The following PAMR1 variants were observed in gnomAD, a reference collection of about 807,000 sequenced individuals.
PAMR1 encodes the protein inactive serine protease PAMR1.
In PAMR1, 88 loss-of-function variants were observed where a neutral mutation model predicts 81.8. That is an observed-to-expected ratio of 1.08 (90% confidence interval 0.91 to 1.28). PAMR1 has a LOEUF of 1.28. PAMR1 is among the 50% of genes most tolerant of loss of function. The pLI, the probability that PAMR1 is intolerant of heterozygous loss-of-function variation, is 0.00. For synonymous variants in PAMR1, 336 were observed against 345.3 expected (o/e 0.97, Z 0.30); for missense variants, 935 against 919.7 (o/e 1.02, Z -0.21).
chr11:35,464,336 A>G (rs900910021), intron 6 of PAMR1, among the ~76,000 whole-genome samples: 3 of 152,220 alleles, frequency 2.0e-5, no homozygotes, highest in Non-Finnish European at 4.4e-5. Flanking sequence ...ATCTTGAAAA[A>G]ATATCCATAA....
intron 1 of PAMR1, 70 bp from the exon 2 acceptor site, chr11:35,494,342 T>A: frequency 7.4e-7 from 1 of 1,358,232 alleles, no homozygotes; most frequent in Non-Finnish European, 1.0e-6. Context: ...TTTGTTTGTT[T>A]GTTTGTTTTG....
intron 6 of PAMR1, among the ~76,000 whole-genome samples, chr11:35,444,172 C>T (rs893520704): frequency 6.6e-6 from 1 of 152,122 alleles, no homozygotes; most frequent in Non-Finnish European, 1.5e-5. Flanking sequence ...TGTTCATGTC[C>T]TTGGCCCCCT....
At chr11:35,435,058 T>TTTGATAGTTCTA (rs1856006772) in intron 9 of PAMR1, among the ~76,000 whole-genome samples, 1 of 152,198 alleles carries the variant, frequency 6.6e-6, no homozygotes, top group African/African-American at 2.4e-5. Context: ...TCAATAGAAC[T>TTTGATAGTTCTA]TTGGGCAAGT....
At chr11:35,507,202 C>G (rs896412267) in intron 1 of PAMR1, among the ~76,000 whole-genome samples, 36 of 151,962 alleles carry the variant, frequency 2.4e-4, no homozygotes, top group African/African-American at 8.2e-4. Context: ...CATGCACCAC[C>G]AAGCCCGGCT....
intron 1 of PAMR1, among the ~76,000 whole-genome samples, chr11:35,510,699 T>C (rs1851056831): frequency 6.6e-6 from 1 of 152,194 alleles, no homozygotes; most frequent in Non-Finnish European, 1.5e-5. Flanking sequence ...ATTGGTAATA[T>C]GTTTTATTTT....
Position 35,435,970 on chromosome 11 carries a change from C to T in PAMR1, c.1266G>A (p.Leu422=), listed in dbSNP as rs1376794100. 1 of 1,614,216 alleles carries T rather than the reference C, an allele frequency of 6.2e-7. No homozygotes were observed. The highest frequency in any genetic ancestry group is 8.5e-7 in the Non-Finnish European group (1 of 1,180,042). ...YECISPFYRR[L]GSSRRTCLRT... is the part of the protein sequence containing the mutation. ...TCAGACATGTCCTCCTGCTGCTGCC[C>T]AGGCGGCGGTAGAAGGGTGAGATGC... Residue 422 remains leucine (L), a synonymous_variant, in exon 9 of 11, where the codon CTG becomes CTA. Transcript: ENST00000619888.
chr11:35,504,336 T>G (rs1590385051), intron 1 of PAMR1, among the ~76,000 whole-genome samples: 1 of 152,164 alleles, frequency 6.6e-6, no homozygotes, highest in Non-Finnish European at 1.5e-5. Flanking sequence ...TCTAGTTATC[T>G]TTTTTGCTGT....
rs1010830468 is a variant in PAMR1, at chr11:35,464,384, A to T, written c.820+3617T>A. Among the ~76,000 whole-genome samples the T allele has an allele frequency of 3.3e-5, 5 of 152,232 alleles. No homozygotes were observed. In the South Asian group the frequency reaches 1.0e-3, roughly 31 times the overall value. ...AAATAAATTGAAAAATTGTATGCATACTTAACTCACTTGTGTTTAAAACAA... is the reference window on the plus strand; with the variant it reads ...AAATAAATTGAAAAATTGTATGCATTCTTAACTCACTTGTGTTTAAAACAA... On this transcript the variant is annotated intron_variant, in intron 6 of 10. Coordinates refer to ENST00000619888, the MANE Select transcript of PAMR1 (RefSeq NM_001001991.3).
chr11:35,502,590 T>C (rs2135409856), intron 1 of PAMR1, among the ~76,000 whole-genome samples: 1 of 152,362 alleles, frequency 6.6e-6, no homozygotes, highest in East Asian at 1.9e-4. Flanking sequence ...GGACATGATC[T>C]CGTTCCTTGT....
At chr11:35,455,544 C>G (rs1856510982) in intron 6 of PAMR1, among the ~76,000 whole-genome samples, 1 of 152,136 alleles carries the variant, frequency 6.6e-6, no homozygotes, top group African/African-American at 2.4e-5. Context: ...GAATATATGT[C>G]TTTTCCTTTT....
At chr11:35,442,551 C>G (rs916705512) in intron 6 of PAMR1, among the ~76,000 whole-genome samples, 2 of 152,154 alleles carry the variant, frequency 1.3e-5, no homozygotes, top group East Asian at 3.8e-4. Context: ...GGGTACCAAT[C>G]ACTCTATCAA....
At chr11:35,475,980 CTAAAAA>C (rs1850277602) in intron 3 of PAMR1, among the ~76,000 whole-genome samples, 1 of 152,110 alleles carries the variant, frequency 6.6e-6, no homozygotes, top group South Asian at 2.1e-4. Context: ...AATTTCATAA[CTAAAAA>C]TAAAAATATT....
chr11:35,454,081 A>C (rs1856476173), intron 6 of PAMR1, among the ~76,000 whole-genome samples: 1 of 152,176 alleles, frequency 6.6e-6, no homozygotes, highest in African/African-American at 2.4e-5. Flanking sequence ...GTTCTCATGT[A>C]AACTGTCATG....
At chr11:35,476,243 T>G (rs1850283049) in intron 3 of PAMR1, among the ~76,000 whole-genome samples, 1 of 152,162 alleles carries the variant, frequency 6.6e-6, no homozygotes, top group Non-Finnish European at 1.5e-5. Context: ...CTCCATCATC[T>G]CTCTCTGTAA....
chr11:35,448,556 TC>T (rs1856344121), intron 6 of PAMR1, among the ~76,000 whole-genome samples: 1 of 152,206 alleles, frequency 6.6e-6, no homozygotes, highest in Admixed American at 6.5e-5. Context: ...TTATCATGAT[TC>T]TTAGCTTCTT....
At chr11:35,508,586 T>C (rs954615853) in intron 1 of PAMR1, among the ~76,000 whole-genome samples, 5 of 149,848 alleles carry the variant, frequency 3.3e-5, no homozygotes, top group Admixed American at 2.0e-4. Flanking sequence ...TTTTTTTATG[T>C]AGGTAAACTA....
chr11:35,489,612 T>C (rs563763530), intron 3 of PAMR1, among the ~76,000 whole-genome samples: 84 of 152,362 alleles, frequency 5.5e-4, no homozygotes, highest in African/African-American at 1.9e-3. Flanking sequence ...ATGCCCTTCA[T>C]AGTCAGGGCT....
chr11:35,510,885 G>A (rs1267521502), intron 1 of PAMR1, among the ~76,000 whole-genome samples: 1 of 152,174 alleles, frequency 6.6e-6, no homozygotes, highest in East Asian at 1.9e-4. Flanking sequence ...GGCATCATAA[G>A]TCCAAACACT....
chr11:35,434,750 G>C lies in PAMR1; in HGVS notation c.1388C>G (p.Pro463Arg). 6.2e-7 allele frequency: 1 copy of C among 1,614,084 alleles called. No individual in the cohort carries two copies. The highest frequency in any genetic ancestry group is 1.1e-5 in the South Asian group (1 of 91,074). ...TAPKTQGLRWPWQAAIYRRTS... is the reference protein window; with the variant it reads ...TAPKTQGLRWRWQAAIYRRTS... ...CCTCCTGTAGATGGCTGCCTGCCAC[G>C]GCCAGCGCAACCCTTGGGTCTTTGG... is the stretch of plus-strand genomic sequence containing the variant. Residue 463 changes from proline (P) to arginine (R), a missense_variant, in exon 10 of 11, where the codon CCG (proline) becomes CGG (arginine). Coordinates refer to ENST00000619888, the MANE Select transcript of PAMR1 (RefSeq NM_001001991.3).
Sources: gnomAD v4.1 joint callset for allele counts (sites outside exome capture counted in the v4.1 genomes callset) on GRCh38, gnomAD v4.1.1 for gene constraint, MANE v1.5 for transcripts, NCBI Gene and HGNC (gene_info 2026-07-23, HGNC 2026-07-21) for gene names.